C12orf42: variants seen among roughly 807,000 people sequenced by gnomAD.
C12orf42 encodes the protein chromosome 12 open reading frame 42.
In C12orf42, 25 loss-of-function variants were observed where a neutral mutation model predicts 21.6. The observed-to-expected ratio is 1.16, with a 90% CI of 0.84 to 1.62. The LOEUF is 1.62. C12orf42 is among the 40% of genes most tolerant of loss of function. C12orf42 has a pLI of 0.00. For missense variants in C12orf42, 483 were observed against 459.3 expected (o/e 1.05, Z -0.47); for synonymous variants, 174 against 175.0 (o/e 0.99, Z 0.05).
chr12:103,061,857 G>T, the C12orf42 span, among the ~76,000 whole-genome samples: 1 of 150,682 alleles, frequency 6.6e-6, no homozygotes, highest in Non-Finnish European at 1.5e-5. Context: ...TACTTATATT[G>T]TTGATTTTAT....
the C12orf42 span, among the ~76,000 whole-genome samples, chr12:103,167,683 A>G: frequency 6.6e-6 from 1 of 152,210 alleles, no homozygotes; most frequent in Non-Finnish European, 1.5e-5. Flanking sequence ...ATTTCATTTC[A>G]ATAAGCATTT....
the C12orf42 span, among the ~76,000 whole-genome samples, chr12:103,110,018 G>A: frequency 2.6e-5 from 4 of 152,178 alleles, no homozygotes; most frequent in Middle Eastern, 3.4e-3. Flanking sequence ...AAGTCTGGGC[G>A]AAAGAGCAAG....
the C12orf42 span, among the ~76,000 whole-genome samples, chr12:103,068,302 CA>C: frequency 3.3e-4 from 50 of 152,240 alleles, no homozygotes; most frequent in African/African-American, 1.1e-3. Context: ...TTGACTTCAG[CA>C]TTTAAGTATT....
intron 10 of C12orf42, among the ~76,000 whole-genome samples, chr12:103,257,441 CA>C (rs2034669723): frequency 6.6e-6 from 1 of 151,930 alleles, no homozygotes; most frequent in African/African-American, 2.4e-5. Context: ...GTTATACCCA[CA>C]AAACAAAACA....
chr12:103,417,724 C>T (rs1020931026), intron 2 of C12orf42, among the ~76,000 whole-genome samples: 7 of 152,122 alleles, frequency 4.6e-5, no homozygotes, highest in African/African-American at 1.4e-4. Context: ...ACTGGGTAGA[C>T]GTTTGCACAA....
chr12:103,235,803 A>T (rs2033449706), downstream of C12orf42, among the ~76,000 whole-genome samples: 1 of 152,002 alleles, frequency 6.6e-6, no homozygotes, highest in Non-Finnish European at 1.5e-5. Flanking sequence ...AACTATAACT[A>T]CCTCCCATTT....
At chr12:103,174,466 C>T in the C12orf42 span, among the ~76,000 whole-genome samples, 2 of 152,116 alleles carry the variant, frequency 1.3e-5, no homozygotes, top group Non-Finnish European at 2.9e-5. Flanking sequence ...TAGATACTAG[C>T]ATCAGCATTC....
chr12:103,151,671 G>GA, the C12orf42 span, among the ~76,000 whole-genome samples: 1 of 152,076 alleles, frequency 6.6e-6, no homozygotes, highest in Non-Finnish European at 1.5e-5. Context: ...GATAGATGCA[G>GA]AAAAAATATC....
intron 1 of C12orf42, among the ~76,000 whole-genome samples, chr12:103,494,549 T>C (rs1381539471): frequency 6.6e-6 from 1 of 151,740 alleles, no homozygotes. Flanking sequence ...GCACTCTATG[T>C]GGCAGATAAA....
At chr12:103,342,071 T>C (rs755737449) in intron 4 of C12orf42, among the ~76,000 whole-genome samples, 2 of 152,074 alleles carry the variant, frequency 1.3e-5, no homozygotes, top group Non-Finnish European at 2.9e-5. Context: ...AATAGATAGA[T>C]AGACAGATAA....
At chr12:103,404,894 G>A (rs1027896392) in intron 2 of C12orf42, among the ~76,000 whole-genome samples, 15 of 152,184 alleles carry the variant, frequency 9.9e-5, no homozygotes, top group Admixed American at 7.2e-4. Context: ...ACGCTCACAG[G>A]CATGCACACA....
At position 103,295,927 on chromosome 12, in the gene C12orf42, A is replaced by T. The variant is rs377010843; in HGVS notation, n.338-18717T>A. Among the ~76,000 whole-genome samples the T allele has an allele frequency of 1.5e-4, 23 of 151,960 alleles. No individual in the cohort carries two copies. The East Asian group carries it at 3.5e-3, about 23-fold the overall frequency. ...TGTGCACAACGTGCAGGTTTGTTAC[A>T]TATGTATACATGTGCCATGTTGGTG... On this transcript the variant is annotated intron_variant and non_coding_transcript_variant, in intron 4 of 6. Coordinates refer to the C12orf42 transcript ENST00000546526.
At chr12:103,221,772 G>A in the C12orf42 span, among the ~76,000 whole-genome samples, 1 of 152,146 alleles carries the variant, frequency 6.6e-6, no homozygotes, top group Admixed American at 6.5e-5. Flanking sequence ...AACGTGAGGA[G>A]AGTTCTTTTC....
intron 4 of C12orf42, among the ~76,000 whole-genome samples, chr12:103,360,064 T>C (rs1377313016): frequency 6.6e-6 from 1 of 150,846 alleles, no homozygotes; most frequent in African/African-American, 2.4e-5. Context: ...GTAGTTTTCC[T>C]ACCTGTAGTC....
the C12orf42 span, among the ~76,000 whole-genome samples, chr12:103,173,850 C>T: frequency 1.3e-5 from 2 of 152,052 alleles, no homozygotes; most frequent in South Asian, 4.1e-4. Context: ...TCAAGCATAC[C>T]CTCTATTTAC....
the C12orf42 span, among the ~76,000 whole-genome samples, chr12:103,176,970 A>T: frequency 1.3e-5 from 2 of 152,232 alleles, no homozygotes; most frequent in African/African-American, 4.8e-5. Flanking sequence ...GCCATAAAAA[A>T]AAAAATTCTC....
the C12orf42 span, among the ~76,000 whole-genome samples, chr12:103,545,786 T>C: frequency 1.3e-5 from 2 of 152,198 alleles, no homozygotes; most frequent in African/African-American, 4.8e-5. Context: ...CCACTTCTGC[T>C]GCATCATTCT....
chr12:103,063,811 A>T, the C12orf42 span, among the ~76,000 whole-genome samples: 1 of 152,180 alleles, frequency 6.6e-6, no homozygotes, highest in African/African-American at 2.4e-5. Context: ...AATTTATATA[A>T]GCAGAAATCT....
At chr12:103,137,461 TA>T in the C12orf42 span, among the ~76,000 whole-genome samples, 2 of 151,192 alleles carry the variant, frequency 1.3e-5, no homozygotes, top group East Asian at 1.9e-4. Flanking sequence ...GTAAGATTTC[TA>T]AAAAAAAACT....
Sources: allele counts gnomAD v4.1 joint callset (sites outside exome capture counted in the v4.1 genomes callset), GRCh38; gene constraint gnomAD v4.1.1; transcripts MANE v1.5; gene names NCBI Gene and HGNC (gene_info 2026-07-23, HGNC 2026-07-21).